AMMECR1: variants seen among roughly 807,000 people sequenced by gnomAD.
The protein encoded by AMMECR1 is nuclear protein AMMECR1.
AMMECR1 carries 3 observed loss-of-function variants against 22.5 expected under a neutral mutation model. The observed-to-expected ratio is 0.13, with a 90% confidence interval of 0.06 to 0.35. AMMECR1 has a LOEUF of 0.35. Among genes scored for constraint, AMMECR1 ranks in the 10% least tolerant of loss-of-function variants. The probability of loss-of-function intolerance (pLI) is 1.00; values close to 1 mark genes in which losing one functional copy is unlikely to be tolerated. For synonymous variants in AMMECR1, 130 were observed against 116.7 expected (o/e 1.11, Z -0.74); for missense variants, 235 against 278.7 (o/e 0.84, Z 1.12).
intron 2 of AMMECR1, among the ~76,000 whole-genome samples, chrX:110,348,526 A>G (rs1215435522): frequency 8.9e-6 from 1 of 112,426 alleles, no homozygotes; most frequent in African/African-American, 3.2e-5. Flanking sequence ...GCACACTGCA[A>G]CTAGAGACTT....
At chrX:110,392,236 T>C (rs1338576548) in intron 2 of AMMECR1, among the ~76,000 whole-genome samples, 2 of 110,200 alleles carry the variant, frequency 1.8e-5, no homozygotes, top group Admixed American at 9.7e-5. Flanking sequence ...ACCCAAAATG[T>C]AGTGAAAGAT....
intron 1 of AMMECR1, among the ~76,000 whole-genome samples, chrX:110,298,751 T>A (rs1377820699): frequency 9.0e-6 from 1 of 111,286 alleles, no homozygotes; most frequent in African/African-American, 3.3e-5. Flanking sequence ...ACAGAGCAGA[T>A]AATATAGAGG....
chrX:110,233,125 C>T (rs769355942), intron 2 of AMMECR1, among the ~76,000 whole-genome samples: 23 of 109,681 alleles, frequency 2.1e-4, no homozygotes, highest in African/African-American at 6.3e-4. Context: ...ATCAAATAGA[C>T]GCAAGAAGAA....
intron 4 of AMMECR1, among the ~76,000 whole-genome samples, chrX:110,201,808 G>A (rs188428110): frequency 9.0e-6 from 1 of 111,671 alleles, no homozygotes; most frequent in East Asian, 2.8e-4. Context: ...GATTCATTTC[G>A]ACCAACATGA....
intron 2 of AMMECR1, among the ~76,000 whole-genome samples, chrX:110,414,575 C>G (rs1054945078): frequency 8.8e-6 from 1 of 113,220 alleles, no homozygotes; most frequent in African/African-American, 3.2e-5. Flanking sequence ...AGCTGAGGCA[C>G]AGACAGGTTA....
chrX:110,245,034 T>A (rs1286077484), intron 2 of AMMECR1, among the ~76,000 whole-genome samples: 2 of 111,956 alleles, frequency 1.8e-5, no homozygotes, highest in African/African-American at 3.2e-5. Flanking sequence ...CATATTTTTT[T>A]AAAAAGCCAG....
chrX:110,331,263 C>T (rs2068119784), intron 2 of AMMECR1, among the ~76,000 whole-genome samples: 1 of 108,382 alleles, frequency 9.2e-6, no homozygotes, highest in African/African-American at 3.4e-5. Context: ...CATCTGTTTG[C>T]TGATGAATCC....
Position 110,198,341 on chromosome X carries a change from T to C in AMMECR1, c.*179A>G, listed in dbSNP as rs144161060. The C allele has an allele frequency of 3.4e-6, 1 of 295,813 alleles. No homozygotes were observed. The highest frequency in any genetic ancestry group is 2.8e-5 in the African/African-American group (1 of 35,991). 24.4% of individuals were successfully genotyped at this position (295,813 alleles called of 1,213,427 possible). A position where few individuals can be genotyped will look rare whatever the true frequency, so the allele number is the denominator to read the frequency against. ...AATAATAAAACAGGATCTTAACAAA[T>C]GCCATTTTTCTACCCGTTACCATGA... On this transcript the variant is annotated 3_prime_UTR_variant, in exon 6 of 6. Transcript: ENST00000262844.
At chrX:110,243,659 C>A (rs2067644488) in intron 2 of AMMECR1, among the ~76,000 whole-genome samples, 1 of 111,939 alleles carries the variant, frequency 8.9e-6, no homozygotes, top group African/African-American at 3.2e-5. Flanking sequence ...ACATTTATTT[C>A]TTTATAGATT....
intron 2 of AMMECR1, among the ~76,000 whole-genome samples, chrX:110,390,195 T>A (rs892448959): frequency 9.8e-5 from 11 of 111,803 alleles, no homozygotes; most frequent in Admixed American, 8.5e-4. Flanking sequence ...TGAATTATAT[T>A]TACTGAATTC....
chrX:110,198,802 T>A (rs1285840421), intron 5 of AMMECR1, among the ~76,000 whole-genome samples, 168 bp from the exon 6 acceptor site: 1 of 111,568 alleles, frequency 9.0e-6, no homozygotes, highest in Admixed American at 9.4e-5. Context: ...AAAGCTAAGA[T>A]CAGAACTTGG....
At chrX:110,212,821 T>G (rs1249069159) in intron 3 of AMMECR1, among the ~76,000 whole-genome samples, 2 of 111,880 alleles carry the variant, frequency 1.8e-5, no homozygotes, top group African/African-American at 6.5e-5. Context: ...TGATTGCATA[T>G]TCAATATGAT....
At chrX:110,292,082 A>T (rs2067912220) in intron 1 of AMMECR1, among the ~76,000 whole-genome samples, 1 of 112,250 alleles carries the variant, frequency 8.9e-6, no homozygotes, top group Admixed American at 9.4e-5. Flanking sequence ...CACCAGTGGG[A>T]AGCTGAGTGA....
chrX:110,404,415 G>A (rs532577456), intron 2 of AMMECR1, among the ~76,000 whole-genome samples: 1 of 111,735 alleles, frequency 8.9e-6, no homozygotes, highest in South Asian at 3.8e-4. Flanking sequence ...GTTTCATTTG[G>A]CTGGGCTAAG....
intron 1 of AMMECR1, among the ~76,000 whole-genome samples, chrX:110,271,524 T>C (rs1036914033): frequency 2.7e-5 from 3 of 111,773 alleles, no homozygotes; most frequent in Non-Finnish European, 5.6e-5. Flanking sequence ...TCTGCCAATT[T>C]TTGAACTGAA....
chrX:110,297,840 G>A (rs2067945491), intron 1 of AMMECR1, among the ~76,000 whole-genome samples: 1 of 110,771 alleles, frequency 9.0e-6, no homozygotes, highest in South Asian at 3.8e-4. Flanking sequence ...CAAAATATGT[G>A]GAATCCCTGG....
intron 2 of AMMECR1, among the ~76,000 whole-genome samples, chrX:110,245,023 C>T (rs1277385602): frequency 9.0e-6 from 1 of 111,683 alleles, no homozygotes; most frequent in African/African-American, 3.3e-5. Flanking sequence ...ACCACAAAGG[C>T]CATATTTTTT....
chrX:110,336,883 A>G (rs2068143804), intron 2 of AMMECR1, among the ~76,000 whole-genome samples: 1 of 111,602 alleles, frequency 9.0e-6, no homozygotes, highest in African/African-American at 3.3e-5. Flanking sequence ...GGAATGAGAG[A>G]TAGAATGCCC....
chrX:110,368,099 T>C (rs1272970429), intron 2 of AMMECR1, among the ~76,000 whole-genome samples: 1 of 108,489 alleles, frequency 9.2e-6, no homozygotes, highest in Non-Finnish European at 1.9e-5. Flanking sequence ...CCATGGCCTC[T>C]CAAATTGTTG....
Sources: gnomAD v4.1 joint callset for allele counts (sites outside exome capture counted in the v4.1 genomes callset) on GRCh38, gnomAD v4.1.1 for gene constraint, MANE v1.5 for transcripts, NCBI Gene and HGNC (gene_info 2026-07-23, HGNC 2026-07-21) for gene names.